Variants in NEGR1 observed in about 807,000 individuals in gnomAD.
NEGR1 encodes IgLON family member 4.
Under a neutral mutation model 40.9 loss-of-function variants are expected in NEGR1, and 10 were observed. The observed-to-expected ratio is 0.24, with a 90% confidence interval of 0.15 to 0.42. The LOEUF (loss-of-function observed/expected upper bound fraction) is 0.42. Among genes scored for constraint, NEGR1 ranks in the 10% least tolerant of loss-of-function variants. NEGR1 has a pLI of 1.00. For synonymous variants in NEGR1, 185 were observed against 166.8 expected, an observed-to-expected ratio of 1.11 and a Z score of -0.84; for missense variants, 352 against 438.9, an observed-to-expected ratio of 0.80 and a Z score of 1.77.
rs376487341 is a variant in NEGR1, at chr1:71,593,483, A to G, written c.789-515T>C. On this transcript the variant is annotated intron_variant, in intron 5 of 6. Transcript: ENST00000357731. ...GTCAACACCACTTTACTCTTGTACA[A>G]CCCAGACAGATAACTTCCATTAAAC... 3.3e-5 allele frequency among the ~76,000 whole-genome samples: 5 copies of G among 152,302 alleles called. No individual in the cohort carries two copies. In the East Asian group the frequency reaches 9.7e-4, roughly 29 times the overall value.
chr1:72,281,704 A>G (rs1201421693), intron 1 of NEGR1, among the ~76,000 whole-genome samples: 1 of 152,032 alleles, frequency 6.6e-6, no homozygotes, highest in Non-Finnish European at 1.5e-5. Context: ...ATGAGAAGAA[A>G]TTTTAAAAAG....
At chr1:71,554,241 C>T (rs1256955735) in intron 6 of NEGR1, among the ~76,000 whole-genome samples, 1 of 151,398 alleles carries the variant, frequency 6.6e-6, no homozygotes, top group East Asian at 2.0e-4. Context: ...AAACTGGGCA[C>T]TAAACAAGTG....
intron 2 of NEGR1, among the ~76,000 whole-genome samples, chr1:71,815,363 TAAG>T (rs1371687986): frequency 2.6e-5 from 4 of 152,220 alleles, no homozygotes; most frequent in Non-Finnish European, 5.9e-5. Flanking sequence ...CATGTGTTGA[TAAG>T]AAGAACGTAT....
intron 2 of NEGR1, among the ~76,000 whole-genome samples, chr1:71,860,892 A>G (rs1659926065): frequency 6.6e-6 from 1 of 152,056 alleles, no homozygotes; most frequent in Non-Finnish European, 1.5e-5. Flanking sequence ...GTTTATTTTT[A>G]TAGAATAGCA....
intron 1 of NEGR1, among the ~76,000 whole-genome samples, chr1:72,067,783 A>C (rs2100504708): frequency 6.6e-6 from 1 of 152,266 alleles, no homozygotes; most frequent in South Asian, 2.1e-4. Flanking sequence ...TTTTCTTAAG[A>C]CATAGGAATA....
At chr1:71,693,641 A>G (rs1167298437) in intron 4 of NEGR1, among the ~76,000 whole-genome samples, 1 of 151,600 alleles carries the variant, frequency 6.6e-6, no homozygotes, top group Non-Finnish European at 1.5e-5. Flanking sequence ...ACCTCACCCA[A>G]GGTTTCAAAG....
At chr1:71,541,061 GC>G (rs1237578817) in intron 6 of NEGR1, among the ~76,000 whole-genome samples, 1 of 151,468 alleles carries the variant, frequency 6.6e-6, no homozygotes, top group African/African-American at 2.4e-5. Flanking sequence ...CCTCCACCCG[GC>G]CCCACCTCCA....
intron 4 of NEGR1, among the ~76,000 whole-genome samples, chr1:71,617,149 G>C (rs565666327): frequency 1.1e-3 from 173 of 152,290 alleles, no homozygotes; most frequent in Non-Finnish European, 2.1e-3. Flanking sequence ...CATGATTCTC[G>C]TGACTAACCA....
At chr1:71,811,919 G>A (rs1343328800) in intron 2 of NEGR1, among the ~76,000 whole-genome samples, 1 of 120,274 alleles carries the variant, frequency 8.3e-6, no homozygotes, top group Non-Finnish European at 1.7e-5. Flanking sequence ...TTTCTTATAG[G>A]ATACAGGTGC....
At position 71,932,536 on chromosome 1, in the gene NEGR1, T is replaced by C. The variant is rs530842699; in HGVS notation, c.409+2543A>G. Among the ~76,000 whole-genome samples the C allele has an allele frequency of 3.3e-5, 5 of 152,218 alleles. No individual in the cohort carries two copies. The East Asian group carries it at 7.7e-4, about 24-fold the overall frequency. On this transcript the variant is annotated intron_variant, in intron 2 of 6. Coordinates refer to ENST00000357731, the MANE Select transcript of NEGR1 (RefSeq NM_173808.3). ...AGCTCTAAGAAATCAATAGCACTAA[T>C]AAATTTCTCAAACATAGTGTCTGTG...
At chr1:72,240,555 C>T (rs539629019) in intron 1 of NEGR1, among the ~76,000 whole-genome samples, 1 of 151,862 alleles carries the variant, frequency 6.6e-6, no homozygotes, top group South Asian at 2.1e-4. Context: ...ACCAGTATGA[C>T]CCTAAAGACA....
chr1:71,899,668 AT>A (rs1661092900), intron 2 of NEGR1, among the ~76,000 whole-genome samples: 1 of 152,230 alleles, frequency 6.6e-6, no homozygotes, highest in South Asian at 2.1e-4. Context: ...TTGTACAAAC[AT>A]TTTTTATTAC....
chr1:72,232,020 C>T (rs541771769), intron 1 of NEGR1, among the ~76,000 whole-genome samples: 3 of 152,156 alleles, frequency 2.0e-5, no homozygotes, highest in Admixed American at 1.3e-4. Flanking sequence ...CTCACAGCTA[C>T]TGAATTAGGA....
At chr1:71,553,155 G>A (rs1570021883) in intron 6 of NEGR1, among the ~76,000 whole-genome samples, 1 of 151,330 alleles carries the variant, frequency 6.6e-6, no homozygotes, top group African/African-American at 2.4e-5. Flanking sequence ...TATTTGAACT[G>A]CATTTCTTAC....
chr1:72,191,160 C>T (rs971081063), intron 1 of NEGR1, among the ~76,000 whole-genome samples: 3 of 151,702 alleles, frequency 2.0e-5, no homozygotes, highest in African/African-American at 7.2e-5. Context: ...ATACTGAATG[C>T]ATAATGTTCT....
At chr1:71,517,440 G>A in intron 6 of NEGR1, among the ~76,000 whole-genome samples, 1 of 51,330 alleles carries the variant, frequency 1.9e-5, no homozygotes, top group African/African-American at 9.3e-5. Flanking sequence ...ATCAATAAAT[G>A]TAATCCAGCA....
At chr1:72,123,719 A>G (rs1649896264) in intron 1 of NEGR1, among the ~76,000 whole-genome samples, 1 of 151,992 alleles carries the variant, frequency 6.6e-6, no homozygotes, top group African/African-American at 2.4e-5. Context: ...ACAAATCATT[A>G]TCAAAAAGGA....
At chr1:71,747,770 G>A (rs545057450) in intron 3 of NEGR1, among the ~76,000 whole-genome samples, 6 of 151,778 alleles carry the variant, frequency 4.0e-5, no homozygotes, top group Middle Eastern at 3.4e-3. Context: ...CAGGTAGAAT[G>A]GGTGGATTTC....
At chr1:72,261,012 G>C (rs1054577223) in intron 1 of NEGR1, among the ~76,000 whole-genome samples, 15 of 152,076 alleles carry the variant, frequency 9.9e-5, no homozygotes, top group Non-Finnish European at 2.9e-5. Context: ...ATATTATACA[G>C]TTAGTTGAAT....
Sources: allele counts gnomAD v4.1 joint callset (sites outside exome capture counted in the v4.1 genomes callset), GRCh38; gene constraint gnomAD v4.1.1; transcripts MANE v1.5; gene names NCBI Gene and HGNC (gene_info 2026-07-23, HGNC 2026-07-21).